EFCAB6: variants seen among roughly 807,000 people sequenced by gnomAD.
EFCAB6 encodes EF-hand calcium binding domain 6.
Under a neutral mutation model 169.8 loss-of-function variants are expected in EFCAB6, and 156 were observed. The ratio of observed to expected loss-of-function variants is 0.92; its 90% CI spans 0.81 to 1.05. The LOEUF is 1.05. Ranked by LOEUF, EFCAB6 falls within the 50% of genes least tolerant of loss-of-function variation. The pLI, the probability that EFCAB6 is intolerant of heterozygous loss-of-function variation, is 0.00. For synonymous variants in EFCAB6, 698 were observed against 676.4 expected (o/e 1.03, Z -0.50); for missense variants, 1,800 against 1,829.1 (o/e 0.98, Z 0.29).
chr22:43,531,100 C>A lies in EFCAB6; in HGVS notation c.4234-136G>T, dbSNP rs2146969358. 9 of 1,184,028 alleles carry A rather than the reference C, an allele frequency of 7.6e-6. No homozygotes were observed. The East Asian group carries it at 2.0e-4, about 26-fold the overall frequency. The allele number at this position is 1,184,028 out of a possible 1,614,324, so 73.3% of individuals were successfully genotyped here. A position where few individuals can be genotyped will look rare whatever the true frequency, so the allele number is the denominator to read the frequency against. ...CCAACCTGCTCCGCTGGCTCTGAATCGAGGAGGGAGCCTGCCAGAACTCGT... is the reference window on the plus strand; with the variant it reads ...CCAACCTGCTCCGCTGGCTCTGAATAGAGGAGGGAGCCTGCCAGAACTCGT... On this transcript the variant is annotated intron_variant, in intron 30 of 31. Coordinates refer to ENST00000262726, the MANE Select transcript of EFCAB6 (RefSeq NM_022785.4).
intron 2 of EFCAB6, among the ~76,000 whole-genome samples, chr22:43,783,897 C>G (rs183910476): frequency 6.6e-6 from 1 of 151,410 alleles, no homozygotes; most frequent in Admixed American, 6.6e-5. Context: ...TCTGTCTCTA[C>G]AAAAAAAATA....
At chr22:43,707,910 A>T (rs752332271) in intron 10 of EFCAB6, among the ~76,000 whole-genome samples, 1 of 152,174 alleles carries the variant, frequency 6.6e-6, no homozygotes, top group African/African-American at 2.4e-5. Flanking sequence ...GCAAAGCCCA[A>T]GTCAATGACA....
At chr22:43,695,322 A>G (rs1018202236) in intron 10 of EFCAB6, among the ~76,000 whole-genome samples, 5 of 152,066 alleles carry the variant, frequency 3.3e-5, no homozygotes, top group Non-Finnish European at 7.4e-5. Flanking sequence ...CATTGTAAAC[A>G]ATAAAACTTT....
At chr22:43,633,455 G>A (rs1238719361) in intron 18 of EFCAB6, among the ~76,000 whole-genome samples, 1 of 152,202 alleles carries the variant, frequency 6.6e-6, no homozygotes, top group Non-Finnish European at 1.5e-5. Context: ...GGCTGAGGCA[G>A]GAGAATCACT....
In EFCAB6 at chr22:43,663,133, C is replaced by G. The variant is rs1053946177; in HGVS notation, c.1983+3971G>C. Among the ~76,000 whole-genome samples the G allele has an allele frequency of 2.6e-5, 4 of 152,352 alleles. No homozygotes were observed. In the South Asian group the frequency reaches 8.3e-4, roughly 32 times the overall value. On this transcript the variant is annotated intron_variant, in intron 17 of 31. Transcript: ENST00000262726. ...CTCAGTCCATGGTAGGTGCAGCTAT[C>G]ACATCACCGTCATCGTTATTATTCC...
intron 4 of EFCAB6, among the ~76,000 whole-genome samples, chr22:43,769,562 T>C (rs1165775659): frequency 6.6e-6 from 1 of 152,226 alleles, no homozygotes; most frequent in Non-Finnish European, 1.5e-5. Flanking sequence ...TCAAATGCAC[T>C]ATTTTATCCA....
chr22:43,738,258 TCACA>T (rs770160802), intron 6 of EFCAB6, among the ~76,000 whole-genome samples: 2 of 139,228 alleles, frequency 1.4e-5, no homozygotes, highest in Non-Finnish European at 3.1e-5. Flanking sequence ...ATATATTCAC[TCACA>T]CACATGCACA....
At chr22:43,554,768 TA>T in intron 27 of EFCAB6, 100 bp downstream of exon 27, 1 of 1,021,552 alleles carries the variant, frequency 9.8e-7, no homozygotes, top group Non-Finnish European at 1.5e-6. Context: ...GCAAGCATTT[TA>T]AAAATAGAGA....
At chr22:43,774,668 G>A (rs1248648722) in intron 3 of EFCAB6, among the ~76,000 whole-genome samples, 1 of 151,696 alleles carries the variant, frequency 6.6e-6, no homozygotes, top group African/African-American at 2.4e-5. Context: ...AGGATGGCTG[G>A]TTTCCGGTGA....
At chr22:43,723,155 A>C (rs980021825) in intron 8 of EFCAB6, among the ~76,000 whole-genome samples, 1 of 152,212 alleles carries the variant, frequency 6.6e-6, no homozygotes, top group Non-Finnish European at 1.5e-5. Context: ...CTTCTGTTCA[A>C]ACTTTAAGGG....
At chr22:43,604,933 G>T (rs1244772825) in intron 22 of EFCAB6, among the ~76,000 whole-genome samples, 15 of 152,168 alleles carry the variant, frequency 9.9e-5, no homozygotes, top group South Asian at 6.2e-4. Flanking sequence ...ACTCGGGTCG[G>T]CCCTTTGGTG....
rs748674222 is a variant in EFCAB6, at chr22:43,683,750, GTTGA to G, written c.1244_1247del (p.Ile415ThrfsTer8). The G allele has an allele frequency of 8.3e-5, 133 of 1,602,424 alleles. No individual in the cohort carries two copies. Among genetic ancestry groups the G allele is most frequent in the Non-Finnish European group, 1.1e-4 (128 of 1,169,468 alleles). On this transcript the variant is annotated frameshift_variant, in exon 12 of 32. Coordinates refer to ENST00000262726, the MANE Select transcript of EFCAB6 (RefSeq NM_022785.4). LOFTEE classifies it high-confidence loss of function. ...GAGAAGGCTTTCAAAATCTTACAGT[GTTGA>G]TTATCAGTAATGCTTTCTTCAGTGA...
chr22:43,714,826 CA>C (rs572352125), intron 9 of EFCAB6, among the ~76,000 whole-genome samples: 11 of 151,978 alleles, frequency 7.2e-5, no homozygotes, highest in Non-Finnish European at 1.5e-4. Context: ...TCCAGCCAAC[CA>C]AAAAATAAAT....
intron 22 of EFCAB6, among the ~76,000 whole-genome samples, chr22:43,601,176 T>G (rs1000872233): frequency 1.3e-5 from 2 of 152,208 alleles, no homozygotes; most frequent in African/African-American, 4.8e-5. Context: ...AAGATAAGAA[T>G]TATGCTATGT....
chr22:43,617,853 C>T (rs1016831451), intron 20 of EFCAB6, among the ~76,000 whole-genome samples: 3 of 151,978 alleles, frequency 2.0e-5, no homozygotes, highest in African/African-American at 7.2e-5. Flanking sequence ...CCTGTAATCC[C>T]AGCACTTTGT....
chr22:43,548,572 G>T (rs1050226372), intron 27 of EFCAB6, among the ~76,000 whole-genome samples: 2 of 111,538 alleles, frequency 1.8e-5, no homozygotes, highest in South Asian at 2.9e-4. Flanking sequence ...AAAAAAAAAG[G>T]TCAACTCAGT....
At chr22:43,760,197 C>G (rs1241764061) in intron 5 of EFCAB6, among the ~76,000 whole-genome samples, 2 of 103,844 alleles carry the variant, frequency 1.9e-5, no homozygotes, top group African/African-American at 4.2e-5. Flanking sequence ...CAGCAAGACT[C>G]TGTCTCAAAA....
chr22:43,545,034 A>G (rs8135256), intron 27 of EFCAB6, among the ~76,000 whole-genome samples: 59,537 of 151,914 alleles, frequency 0.39, 11,830 homozygotes, highest in African/African-American at 0.44. Context: ...GTAGTCCCAG[A>G]TACTCAGGAG....
chr22:43,534,775 A>C lies in EFCAB6; in HGVS notation c.4146T>G (p.Cys1382Trp). Residue 1382 changes from cysteine (C) to tryptophan (W), a missense_variant, in exon 30 of 32, where the codon TGT (cysteine) becomes TGG (tryptophan). Transcript: ENST00000262726. Reference protein sequence around the residue: ...DLKSNGKFAYCDFIQSCVLLL... With the variant: ...DLKSNGKFAYWDFIQSCVLLL... The stretch of plus-strand genomic sequence containing the variant: ...GGAGGACACAGCTCTGAATGAAGTC[A>C]CAGTATGCAAATTTCCCGTTGCTCT... 3.1e-6 allele frequency: 5 copies of C among 1,614,110 alleles called. No homozygotes were observed. The highest frequency in any genetic ancestry group is 4.2e-6 in the Non-Finnish European group (5 of 1,179,996).
Sources: gnomAD v4.1 joint callset for allele counts (sites outside exome capture counted in the v4.1 genomes callset) on GRCh38, gnomAD v4.1.1 for gene constraint, MANE v1.5 for transcripts, NCBI Gene and HGNC (gene_info 2026-07-23, HGNC 2026-07-21) for gene names.